Variants in LSAMP observed in about 807,000 individuals in gnomAD.
LSAMP encodes the protein limbic system-associated membrane protein.
Under a neutral mutation model 38.6 loss-of-function variants are expected in LSAMP, and 7 were observed. That is an observed-to-expected ratio of 0.18 (90% CI 0.10 to 0.34). The LOEUF is 0.34. Ranked by LOEUF, LSAMP falls within the 10% of genes least tolerant of loss-of-function variation. The pLI, the probability that LSAMP is intolerant of heterozygous loss-of-function variation, is 1.00. For missense variants in LSAMP, 313 were observed against 420.0 expected, an observed-to-expected ratio of 0.75 and a Z score of 2.23; for synonymous variants, 154 against 166.8, an observed-to-expected ratio of 0.92 and a Z score of 0.59.
intron 3 of LSAMP, among the ~76,000 whole-genome samples, chr3:115,872,810 C>G (rs1936080199): frequency 6.6e-6 from 1 of 151,976 alleles, no homozygotes; most frequent in Admixed American, 6.6e-5. Flanking sequence ...TAAGATCACA[C>G]AGGTAGTGGG....
chr3:115,983,489 C>A (rs571266648), intron 3 of LSAMP, among the ~76,000 whole-genome samples: 2 of 151,940 alleles, frequency 1.3e-5, no homozygotes, highest in Non-Finnish European at 2.9e-5. Context: ...CCACTGCCCT[C>A]CAGCCCAGAC....
chr3:115,924,143 T>A (rs1342819270), intron 3 of LSAMP, among the ~76,000 whole-genome samples: 2 of 152,198 alleles, frequency 1.3e-5, no homozygotes, highest in African/African-American at 4.8e-5. Context: ...TTTTTTAGTT[T>A]GTTTGTTTTT....
intron 1 of LSAMP, among the ~76,000 whole-genome samples, chr3:116,323,525 A>C (rs1366039119): frequency 6.6e-6 from 1 of 151,948 alleles, no homozygotes. Flanking sequence ...TATTTTTTCA[A>C]CCTCTCTATC....
chr3:116,098,466 C>A (rs551542404), intron 1 of LSAMP, among the ~76,000 whole-genome samples: 1 of 152,170 alleles, frequency 6.6e-6, no homozygotes, highest in African/African-American at 2.4e-5. Flanking sequence ...GCCATTGCAG[C>A]CTTGGCAACA....
At chr3:116,388,548 C>T (rs1320980604) in intron 1 of LSAMP, among the ~76,000 whole-genome samples, 1 of 152,098 alleles carries the variant, frequency 6.6e-6, no homozygotes, top group Non-Finnish European at 1.5e-5. Context: ...CAACAGAAAG[C>T]TCTGAGGAAG....
intron 1 of LSAMP, among the ~76,000 whole-genome samples, chr3:116,211,335 T>A (rs2046153519): frequency 6.6e-6 from 1 of 152,206 alleles, no homozygotes; most frequent in South Asian, 2.1e-4. Flanking sequence ...AGACGGTAGA[T>A]CTTAAGTGTT....
chr3:115,939,864 T>C (rs923629709), intron 3 of LSAMP, among the ~76,000 whole-genome samples: 9 of 152,098 alleles, frequency 5.9e-5, no homozygotes, highest in African/African-American at 1.9e-4. Flanking sequence ...AGGAGTTTTA[T>C]GGTTTTGTGT....
intron 1 of LSAMP, among the ~76,000 whole-genome samples, chr3:116,372,556 A>G (rs2048443287): frequency 6.6e-6 from 1 of 152,048 alleles, no homozygotes; most frequent in African/African-American, 2.4e-5. Flanking sequence ...TAGACAAAAA[A>G]GGCAAGTTGA....
intron 1 of LSAMP, among the ~76,000 whole-genome samples, chr3:116,208,614 C>G (rs1169178199): frequency 6.6e-6 from 1 of 152,168 alleles, no homozygotes; most frequent in East Asian, 1.9e-4. Flanking sequence ...AGTTTTCCTT[C>G]TAACGGACAG....
At chr3:115,976,426 A>G (rs1322761462) in intron 3 of LSAMP, among the ~76,000 whole-genome samples, 1 of 152,196 alleles carries the variant, frequency 6.6e-6, no homozygotes, top group African/African-American at 2.4e-5. Flanking sequence ...AATAAACTCA[A>G]TCTGAATCAA....
intron 1 of LSAMP, among the ~76,000 whole-genome samples, chr3:116,159,235 A>C (rs972974087): frequency 6.6e-6 from 1 of 152,200 alleles, no homozygotes. Flanking sequence ...GCAAATTGCA[A>C]CAAAACAAAA....
At chr3:115,841,813 C>A in intron 6 of LSAMP, 32 bp downstream of exon 6, 1 of 1,562,952 alleles carries the variant, frequency 6.4e-7, no homozygotes, top group South Asian at 1.2e-5. Context: ...AATTTAATTC[C>A]ATCAAGTTGG....
At chr3:115,940,476 A>G (rs1044818859) in intron 3 of LSAMP, among the ~76,000 whole-genome samples, 1 of 152,186 alleles carries the variant, frequency 6.6e-6, no homozygotes, top group Non-Finnish European at 1.5e-5. Context: ...TCCTTTAGCT[A>G]GACACAAAAG....
chr3:116,355,752 A>C (rs1025008586), intron 1 of LSAMP, among the ~76,000 whole-genome samples: 2 of 152,222 alleles, frequency 1.3e-5, no homozygotes, highest in Non-Finnish European at 2.9e-5. Context: ...AAAATCTAAT[A>C]ATAATGGGCA....
chr3:116,230,750 G>A (rs895310813), intron 1 of LSAMP, among the ~76,000 whole-genome samples: 1 of 152,068 alleles, frequency 6.6e-6, no homozygotes, highest in Non-Finnish European at 1.5e-5. Flanking sequence ...TGCATTTACA[G>A]TACTAGTAAT....
intron 1 of LSAMP, among the ~76,000 whole-genome samples, chr3:116,439,762 C>T (rs1377385686): frequency 2.0e-5 from 3 of 152,212 alleles, no homozygotes; most frequent in Non-Finnish European, 4.4e-5. Context: ...CTCGCTCTGT[C>T]GCCAGGCTGG....
intron 2 of LSAMP, among the ~76,000 whole-genome samples, chr3:116,055,536 A>G (rs1458082986): frequency 2.6e-5 from 4 of 151,962 alleles, no homozygotes; most frequent in Non-Finnish European, 5.9e-5. Flanking sequence ...CAGCCTTTGG[A>G]AGACACTGCC....
chr3:115,811,780 A>G (rs1374519066), intron 6 of LSAMP, among the ~76,000 whole-genome samples: 1 of 152,248 alleles, frequency 6.6e-6, no homozygotes, highest in Non-Finnish European at 1.5e-5. Flanking sequence ...ACGATTATAC[A>G]GCACTTACTA....
At chr3:116,382,389 C>G (rs2107802880) in intron 1 of LSAMP, among the ~76,000 whole-genome samples, 1 of 151,230 alleles carries the variant, frequency 6.6e-6, no homozygotes, top group East Asian at 2.0e-4. Context: ...TCATTCTCAG[C>G]AAACTATCGC....
Sources: allele counts gnomAD v4.1 joint callset (sites outside exome capture counted in the v4.1 genomes callset), GRCh38; gene constraint gnomAD v4.1.1; transcripts MANE v1.5; gene names NCBI Gene and HGNC (gene_info 2026-07-23, HGNC 2026-07-21).